PTPRK: variants seen among roughly 807,000 people sequenced by gnomAD.
PTPRK encodes receptor-type tyrosine-protein phosphatase kappa.
Under a neutral mutation model 178.0 loss-of-function variants are expected in PTPRK, and 75 were observed. The observed-to-expected ratio is 0.42, with a 90% confidence interval of 0.35 to 0.51. The LOEUF (loss-of-function observed/expected upper bound fraction) is 0.51, where lower values mean the gene tolerates loss of function less well. PTPRK is among the 20% of genes least tolerant of loss of function. The pLI is 0.02. For missense variants in PTPRK, 1,441 were observed against 1,797.8 expected (o/e 0.80, Z 3.59); for synonymous variants, 637 against 620.6 (o/e 1.03, Z -0.39).
At chr6:128,454,641 ACT>A (rs1369695848) in intron 1 of PTPRK, among the ~76,000 whole-genome samples, 1 of 152,194 alleles carries the variant, frequency 6.6e-6, no homozygotes, top group African/African-American at 2.4e-5. Context: ...GTCAGGAGTC[ACT>A]AATTATCCTT....
chr6:128,411,944 G>C (rs1842355113), intron 1 of PTPRK, among the ~76,000 whole-genome samples: 1 of 152,074 alleles, frequency 6.6e-6, no homozygotes, highest in Non-Finnish European at 1.5e-5. Flanking sequence ...CAAATATTTT[G>C]CTAATGATCT....
At chr6:128,309,996 G>A (rs942478686) in intron 3 of PTPRK, among the ~76,000 whole-genome samples, 6 of 152,016 alleles carry the variant, frequency 3.9e-5, no homozygotes, top group Admixed American at 3.3e-4. Context: ...CTTATATGCA[G>A]GCTAATCAGA....
intron 7 of PTPRK, among the ~76,000 whole-genome samples, chr6:128,093,697 A>G (rs981710378): frequency 1.3e-5 from 2 of 151,584 alleles, no homozygotes; most frequent in Non-Finnish European, 2.9e-5. Flanking sequence ...AGTGATCTTC[A>G]TGCAATGAGT....
intron 29 of PTPRK, among the ~76,000 whole-genome samples, chr6:127,972,384 T>C: frequency 6.6e-6 from 1 of 152,220 alleles, no homozygotes; most frequent in South Asian, 2.1e-4. Context: ...ATGTGTTAGA[T>C]AAGTGTAACT....
At chr6:128,387,676 C>T (rs1006557237) in intron 2 of PTPRK, among the ~76,000 whole-genome samples, 1 of 151,978 alleles carries the variant, frequency 6.6e-6, no homozygotes, top group Non-Finnish European at 1.5e-5. Flanking sequence ...AAAGTATGTT[C>T]CCTTATTTAT....
chr6:128,108,894 T>C (rs941403154), intron 7 of PTPRK, among the ~76,000 whole-genome samples: 3 of 152,154 alleles, frequency 2.0e-5, no homozygotes, highest in African/African-American at 7.2e-5. Flanking sequence ...CACATCTCTT[T>C]CTCTGATAAG....
chr6:128,194,056 T>TTATATA (rs1228103270), intron 6 of PTPRK, among the ~76,000 whole-genome samples: 3 of 138,010 alleles, frequency 2.2e-5, no homozygotes, highest in Non-Finnish European at 3.0e-5. Context: ...GCAATAATAT[T>TTATATA]TATATATATA....
intron 15 of PTPRK, among the ~76,000 whole-genome samples, chr6:128,003,695 C>A (rs1778098570): frequency 6.6e-6 from 1 of 151,788 alleles, no homozygotes; most frequent in Non-Finnish European, 1.5e-5. Flanking sequence ...AATAGATAGA[C>A]AAGTTTGGGA....
intron 6 of PTPRK, among the ~76,000 whole-genome samples, chr6:128,205,948 G>A (rs114131696): frequency 1.9e-3 from 287 of 151,996 alleles, no homozygotes; most frequent in African/African-American, 6.7e-3. Context: ...ATCTGGAATA[G>A]ACTTTCTTAG....
chr6:128,472,402 A>G, intron 1 of PTPRK, among the ~76,000 whole-genome samples: 1 of 140,606 alleles, frequency 7.1e-6, no homozygotes, highest in African/African-American at 2.8e-5. Flanking sequence ...AGTTTAGGGA[A>G]CTCCCTGAAT....
At chr6:128,280,782 T>C (rs1385916840) in intron 3 of PTPRK, among the ~76,000 whole-genome samples, 2 of 152,288 alleles carry the variant, frequency 1.3e-5, no homozygotes, top group East Asian at 1.9e-4. Flanking sequence ...AAACAGAATA[T>C]GTTAGAGCAC....
intron 7 of PTPRK, among the ~76,000 whole-genome samples, chr6:128,172,712 T>C (rs1287696920): frequency 6.6e-6 from 1 of 151,674 alleles, no homozygotes; most frequent in East Asian, 1.9e-4. Context: ...GATATATATG[T>C]ATGTATATGA....
chr6:128,237,429 C>T (rs1813494730), intron 5 of PTPRK, among the ~76,000 whole-genome samples: 1 of 152,126 alleles, frequency 6.6e-6, no homozygotes, highest in Admixed American at 6.5e-5. Context: ...TTTGTTCTCA[C>T]AATGATACTT....
chr6:128,180,324 T>G (rs1222958463), intron 7 of PTPRK, among the ~76,000 whole-genome samples: 1 of 151,858 alleles, frequency 6.6e-6, no homozygotes, highest in Non-Finnish European at 1.5e-5. Flanking sequence ...GCAAGCATAC[T>G]TTCTCTGATT....
In PTPRK at chr6:128,184,596, G is replaced by A; in HGVS notation, c.998C>T (p.Thr333Ile). 1 of 1,613,994 alleles carries A rather than the reference G, an allele frequency of 6.2e-7. No homozygotes were observed. The highest frequency in any genetic ancestry group is 8.5e-7 in the Non-Finnish European group (1 of 1,179,928). ...IILKEVEYRM[T>I]SGSWTETHAV... ...ATGGGTTTCTGTCCAGGATCCTGAT[G>A]TCATTCGGTACTCTACTTCTTTCAG... Residue 333 changes from threonine to isoleucine, a missense_variant, in exon 7 of 30, where the codon ACA becomes ATA. Physicochemically the swap from Thr to Ile is moderately conservative, Grantham distance 89. Around this residue, in one of 4 missense-constraint regions of PTPRK, gnomAD observed 945 missense variants for 1,080.6 expected, o/e 0.87. Transcript: ENST00000368226.
At chr6:128,483,648 G>A (rs542286530) in intron 1 of PTPRK, among the ~76,000 whole-genome samples, 6 of 151,848 alleles carry the variant, frequency 4.0e-5, no homozygotes, top group African/African-American at 1.4e-4. Context: ...TCAGGTCTCA[G>A]ACATTGCACA....
chr6:128,372,994 A>AC (rs1836504505), intron 2 of PTPRK, among the ~76,000 whole-genome samples: 1 of 145,590 alleles, frequency 6.9e-6, no homozygotes, highest in Admixed American at 6.9e-5. Flanking sequence ...GGTAATTTTA[A>AC]AAAAAAAAAA....
chr6:128,152,867 A>G (rs1797470070), intron 7 of PTPRK, among the ~76,000 whole-genome samples: 1 of 152,016 alleles, frequency 6.6e-6, no homozygotes, highest in South Asian at 2.1e-4. Context: ...CAACTTGCGG[A>G]AGAAGAGTGA....
chr6:128,072,675 C>T (rs1783040142), intron 11 of PTPRK, among the ~76,000 whole-genome samples: 1 of 151,974 alleles, frequency 6.6e-6, no homozygotes. Context: ...CTGGTATGAC[C>T]ATTGTTACCC....
Sources: allele counts gnomAD v4.1 joint callset (sites outside exome capture counted in the v4.1 genomes callset), GRCh38; gene constraint gnomAD v4.1.1; regional missense constraint gnomAD v4.1.1; transcripts MANE v1.5; gene names NCBI Gene and HGNC (gene_info 2026-07-23, HGNC 2026-07-21).